The following ENTREP2 variants were observed in gnomAD, a reference collection of about 807,000 sequenced individuals.
ENTREP2 encodes the protein protein ENTREP2.
the ENTREP2 span, among the ~76,000 whole-genome samples, chr15:29,461,584 C>T: frequency 3.3e-5 from 5 of 152,070 alleles, no homozygotes; most frequent in African/African-American, 7.2e-5. Context: ...CAGGTTCAAG[C>T]GATTCTCCTT....
the ENTREP2 span, among the ~76,000 whole-genome samples, chr15:29,321,797 G>A: frequency 6.6e-6 from 1 of 152,000 alleles, no homozygotes; most frequent in Non-Finnish European, 1.5e-5. Flanking sequence ...CACAGGGAGG[G>A]GAACAACACA....
At chr15:29,323,587 C>A in the ENTREP2 span, among the ~76,000 whole-genome samples, 2 of 152,112 alleles carry the variant, frequency 1.3e-5, no homozygotes, top group Non-Finnish European at 2.9e-5. Flanking sequence ...GCTGTGGGAA[C>A]CCCAAATGAA....
chr15:29,488,924 G>C, the ENTREP2 span, among the ~76,000 whole-genome samples: 1 of 152,176 alleles, frequency 6.6e-6, no homozygotes, highest in African/African-American at 2.4e-5. Context: ...ACAATCCACA[G>C]GGACATAATT....
chr15:29,652,748 G>A, the ENTREP2 span, among the ~76,000 whole-genome samples: 3 of 152,228 alleles, frequency 2.0e-5, no homozygotes, highest in African/African-American at 7.2e-5. Context: ...TGCTACTTCA[G>A]GAGCCGGCCC....
chr15:29,592,536 G>A, the ENTREP2 span, among the ~76,000 whole-genome samples: 20 of 110,502 alleles, frequency 1.8e-4, no homozygotes, highest in Middle Eastern at 9.1e-3. Flanking sequence ...ATCCATTTGC[G>A]GGGGGCGGAG....
chr15:29,235,790 C>T, the ENTREP2 span, among the ~76,000 whole-genome samples: 1,400 of 152,072 alleles, frequency 9.2e-3, 21 homozygotes, highest in African/African-American at 0.032. Context: ...ATGGTGAAAC[C>T]CTGTCTCTAC....
At chr15:29,457,219 C>G in the ENTREP2 span, among the ~76,000 whole-genome samples, 1 of 152,232 alleles carries the variant, frequency 6.6e-6, no homozygotes. Flanking sequence ...GGACCCCAGC[C>G]CTCTCACACA....
the ENTREP2 span, among the ~76,000 whole-genome samples, chr15:29,480,042 C>T: frequency 8.5e-5 from 13 of 152,162 alleles, no homozygotes; most frequent in South Asian, 2.1e-4. Context: ...TTGTTCACTA[C>T]GCAAATTTGG....
At chr15:29,527,178 C>T in the ENTREP2 span, among the ~76,000 whole-genome samples, 3 of 152,138 alleles carry the variant, frequency 2.0e-5, no homozygotes, top group Non-Finnish European at 4.4e-5. Context: ...GGCCATGCCC[C>T]CGTTTCTCCA....
chr15:29,194,410 G>T, the ENTREP2 span, among the ~76,000 whole-genome samples: 1 of 152,178 alleles, frequency 6.6e-6, no homozygotes, highest in South Asian at 2.1e-4. Context: ...CACCAGTTTT[G>T]ATAGTTCCTA....
the ENTREP2 span, among the ~76,000 whole-genome samples, chr15:29,315,408 C>T: frequency 9.2e-5 from 14 of 152,128 alleles, no homozygotes; most frequent in African/African-American, 3.4e-4. Flanking sequence ...GAAACAAACA[C>T]ATTTGTCTAT....
chr15:29,274,513 C>A, the ENTREP2 span, among the ~76,000 whole-genome samples: 1 of 152,116 alleles, frequency 6.6e-6, no homozygotes, highest in African/African-American at 2.4e-5. Flanking sequence ...ACACTCCTCC[C>A]GGTTTAAGTC....
At chr15:29,668,001 T>C in the ENTREP2 span, among the ~76,000 whole-genome samples, 2 of 152,168 alleles carry the variant, frequency 1.3e-5, no homozygotes, top group South Asian at 2.1e-4. Flanking sequence ...ACTGTACAGG[T>C]GAGCAAGGAG....
chr15:29,256,534 G>A, the ENTREP2 span, among the ~76,000 whole-genome samples: 8 of 152,180 alleles, frequency 5.3e-5, no homozygotes, highest in East Asian at 1.5e-3. Context: ...CGAAAAAAAT[G>A]ACTGAAAATA....
the ENTREP2 span, among the ~76,000 whole-genome samples, chr15:29,371,835 G>A: frequency 6.6e-6 from 1 of 151,948 alleles, no homozygotes; most frequent in Non-Finnish European, 1.5e-5. Context: ...AAAATGTTAA[G>A]AATCCCATAG....
chr15:29,396,875 T>C, the ENTREP2 span, among the ~76,000 whole-genome samples: 3 of 152,230 alleles, frequency 2.0e-5, no homozygotes, highest in African/African-American at 4.8e-5. Context: ...AATTCAGTTA[T>C]ACAAGGAGTG....
At chr15:29,467,111 C>A in the ENTREP2 span, among the ~76,000 whole-genome samples, 1 of 151,934 alleles carries the variant, frequency 6.6e-6, no homozygotes, top group African/African-American at 2.4e-5. Context: ...ATGCTGCAGC[C>A]CCCAAGTAAA....
At chr15:29,500,402 T>C in the ENTREP2 span, among the ~76,000 whole-genome samples, 2 of 152,036 alleles carry the variant, frequency 1.3e-5, no homozygotes, top group Admixed American at 1.3e-4. Context: ...TGTTCTCTGA[T>C]CACAAAAGAA....
chr15:29,587,749 G>A, the ENTREP2 span, among the ~76,000 whole-genome samples: 15,783 of 152,024 alleles, frequency 0.1, 923 homozygotes, highest in East Asian at 0.26. Context: ...AACCTCTGCC[G>A]CCTGGTTCAA....
Sources: allele counts gnomAD v4.1 joint callset (sites outside exome capture counted in the v4.1 genomes callset), GRCh38; gene constraint gnomAD v4.1.1; transcripts MANE v1.5; gene names NCBI Gene and HGNC (gene_info 2026-07-23, HGNC 2026-07-21).